The following OSTN variants were observed in gnomAD, a reference collection of about 807,000 sequenced individuals.
OSTN encodes osteocrin.
OSTN carries 9 observed loss-of-function variants against 12.0 expected under a neutral mutation model. That is an observed-to-expected ratio of 0.75 (90% confidence interval 0.45 to 1.30). The LOEUF (loss-of-function observed/expected upper bound fraction) is 1.30, where lower values mean the gene tolerates loss of function less well. Among genes scored for constraint, OSTN ranks in the 50% most tolerant of loss-of-function variants. The pLI, the probability that OSTN is intolerant of heterozygous loss-of-function variation, is 0.00. For synonymous variants in OSTN, 59 were observed against 56.9 expected (o/e 1.04, Z -0.16); for missense variants, 148 against 152.3 (o/e 0.97, Z 0.15).
At chr3:191,242,023 T>C (rs1715332495) in intron 3 of OSTN, among the ~76,000 whole-genome samples, 1 of 152,086 alleles carries the variant, frequency 6.6e-6, no homozygotes, top group Non-Finnish European at 1.5e-5. Context: ...AAAAATACCA[T>C]TATCATGTTG....
intron 4 of OSTN, among the ~76,000 whole-genome samples, chr3:191,253,971 G>A (rs1442003181): frequency 3.3e-5 from 5 of 152,204 alleles, no homozygotes; most frequent in African/African-American, 1.2e-4. Flanking sequence ...TTGGATTAGA[G>A]GTTGTTAGAT....
intron 4 of OSTN, among the ~76,000 whole-genome samples, chr3:191,253,580 G>A (rs1016416893): frequency 6.6e-6 from 1 of 152,202 alleles, no homozygotes; most frequent in African/African-American, 2.4e-5. Context: ...TTTAATAATA[G>A]TTTCAAGACA....
At chr3:191,216,087 C>T (rs988757298) in intron 2 of OSTN, among the ~76,000 whole-genome samples, 1 of 152,162 alleles carries the variant, frequency 6.6e-6, no homozygotes, top group Non-Finnish European at 1.5e-5. Context: ...GGCAGAGGTC[C>T]CCCAAACTCA....
chr3:191,209,063 G>T (rs1714354031), intron 1 of OSTN, among the ~76,000 whole-genome samples: 1 of 152,206 alleles, frequency 6.6e-6, no homozygotes. Flanking sequence ...GGAGGCTGAG[G>T]CAGGAGAATC....
intron 3 of OSTN, among the ~76,000 whole-genome samples, chr3:191,234,343 A>G (rs1715134110): frequency 6.6e-6 from 1 of 152,156 alleles, no homozygotes; most frequent in African/African-American, 2.4e-5. Context: ...GCCTGAAAAG[A>G]CAAGAAAGGA....
At chr3:191,259,362 C>G (rs1715749737) in intron 4 of OSTN, among the ~76,000 whole-genome samples, 1 of 151,920 alleles carries the variant, frequency 6.6e-6, no homozygotes, top group South Asian at 2.1e-4. Flanking sequence ...TTTGTAGCCC[C>G]CAGCTAATTT....
intron 3 of OSTN, among the ~76,000 whole-genome samples, chr3:191,225,270 T>G (rs1415780274): frequency 6.6e-6 from 1 of 152,162 alleles, no homozygotes; most frequent in Non-Finnish European, 1.5e-5. Context: ...TTCAAATAGA[T>G]ACACTCCAAT....
chr3:191,233,809 C>T (rs1218528814), intron 3 of OSTN, among the ~76,000 whole-genome samples: 2 of 152,152 alleles, frequency 1.3e-5, no homozygotes, highest in African/African-American at 4.8e-5. Context: ...GCATGACCAA[C>T]ATGGTGAAAC....
chr3:191,264,572 C>T lies in OSTN; in HGVS notation c.*1719C>T, dbSNP rs1348899104. On this transcript the variant is annotated 3_prime_UTR_variant, in exon 5 of 5. Transcript: ENST00000682035. ...TTTTTCATAAACTTGTGTTAGAAAGCTAGCAATAGCACATAGGGAAGTATC... is the reference window on the plus strand; with the variant it reads ...TTTTTCATAAACTTGTGTTAGAAAGTTAGCAATAGCACATAGGGAAGTATC... The T allele has an allele frequency of 1.3e-5, 2 of 152,156 alleles. No homozygotes were observed. The highest frequency in any genetic ancestry group is 3.9e-4 in the East Asian group (2 of 5,180). The allele number at this position is 152,156 out of a possible 1,614,324, so 9.4% of individuals were successfully genotyped here. A position where few individuals can be genotyped will look rare whatever the true frequency, so the allele number is the denominator to read the frequency against.
chr3:191,226,716 A>G (rs1714920278), intron 3 of OSTN, among the ~76,000 whole-genome samples: 1 of 152,194 alleles, frequency 6.6e-6, no homozygotes, highest in Admixed American at 6.5e-5. Context: ...TTCAATAAAT[A>G]GACTCCATTT....
At chr3:191,243,010 C>G (rs1372245703) in intron 3 of OSTN, among the ~76,000 whole-genome samples, 1 of 151,002 alleles carries the variant, frequency 6.6e-6, no homozygotes, top group East Asian at 1.9e-4. Flanking sequence ...TTCAAACAGG[C>G]ACTTTCAAAA....
At chr3:191,214,981 T>C (rs1714570453) in intron 2 of OSTN, among the ~76,000 whole-genome samples, 1 of 152,154 alleles carries the variant, frequency 6.6e-6, no homozygotes. Context: ...CACTGGACTC[T>C]AGTCTGGGCA....
chr3:191,246,298 T>A (rs1043853414), intron 3 of OSTN, among the ~76,000 whole-genome samples: 4 of 151,664 alleles, frequency 2.6e-5, no homozygotes, highest in Non-Finnish European at 5.9e-5. Context: ...AGGACCAAGA[T>A]CCCCATTTGC....
At chr3:191,251,289 A>G (rs1239803439) in intron 4 of OSTN, among the ~76,000 whole-genome samples, 1 of 152,244 alleles carries the variant, frequency 6.6e-6, no homozygotes. Context: ...TTAATCATAC[A>G]TATCCTTTAA....
chr3:191,257,624 C>T lies in OSTN; in HGVS notation c.*13-5242C>T, dbSNP rs532878202. 1.2e-4 allele frequency among the ~76,000 whole-genome samples: 19 copies of T among 152,210 alleles called. No individual in the cohort carries two copies. The South Asian group carries it at 2.5e-3, about 20-fold the overall frequency. On this transcript the variant is annotated intron_variant, in intron 4 of 4. Transcript: ENST00000682035. ...AGGCTGTAATCAAGATACACAGACT[C>T]GGAAACAAATTAATCAAGTATCAAA...
intron 1 of OSTN, among the ~76,000 whole-genome samples, chr3:191,207,364 G>T (rs1385174961): frequency 6.8e-6 from 1 of 147,722 alleles, no homozygotes; most frequent in African/African-American, 2.6e-5. Flanking sequence ...AGGTTGAAGA[G>T]AAATGTCCTT....
intron 1 of OSTN, among the ~76,000 whole-genome samples, chr3:191,207,002 A>G (rs1274359447): frequency 6.6e-6 from 1 of 152,318 alleles, no homozygotes; most frequent in East Asian, 1.9e-4. Flanking sequence ...AGAAGATTTT[A>G]GGCGGTGTTG....
chr3:191,232,331 T>TAAAAAAAAAAAAAAAAAAA (rs61313474), intron 3 of OSTN, among the ~76,000 whole-genome samples: 6 of 67,490 alleles, frequency 8.9e-5, no homozygotes, highest in African/African-American at 5.3e-4. Flanking sequence ...AGACTCTGTC[T>TAAAAAAAAAAAAAAAAAAA]AAAAAAAAAA....
chr3:191,250,190 A>G, intron 4 of OSTN, 57 bp downstream of exon 4: 1 of 1,280,986 alleles, frequency 7.8e-7, no homozygotes, highest in Admixed American at 1.7e-5. Context: ...ATATTTCACA[A>G]TGGACTAATC....
Sources: gnomAD v4.1 joint callset for allele counts (sites outside exome capture counted in the v4.1 genomes callset) on GRCh38, gnomAD v4.1.1 for gene constraint, MANE v1.5 for transcripts, NCBI Gene and HGNC (gene_info 2026-07-23, HGNC 2026-07-21) for gene names.